The following CRIM1 variants were observed in gnomAD, a reference collection of about 807,000 sequenced individuals.
The protein encoded by CRIM1 is cysteine rich transmembrane BMP regulator 1.
A neutral mutation model predicts 116.4 loss-of-function variants in CRIM1; 32 were observed. The observed-to-expected ratio is 0.27, with a 90% CI of 0.21 to 0.37. CRIM1 has a LOEUF of 0.37. Among genes scored for constraint, CRIM1 ranks in the 10% least tolerant of loss-of-function variants. The pLI is 1.00. For synonymous variants in CRIM1, 590 were observed against 509.2 expected (o/e 1.16, Z -2.13); for missense variants, 1,331 against 1,354.8 (o/e 0.98, Z 0.28).
At chr2:36,505,911 ACTGAAC>A (rs1681360073) in intron 8 of CRIM1, among the ~76,000 whole-genome samples, 1 of 152,178 alleles carries the variant, frequency 6.6e-6, no homozygotes, top group African/African-American at 2.4e-5. Flanking sequence ...TGGCAGGCTC[ACTGAAC>A]GCTGTTGTCC....
chr2:36,448,337 TCTC>T (rs139770413), intron 4 of CRIM1, among the ~76,000 whole-genome samples: 70 of 152,354 alleles, frequency 4.6e-4, no homozygotes, highest in African/African-American at 1.6e-3. Context: ...GAGTCCATGT[TCTC>T]CTGGTGTCCA....
rs1374184953 is a variant in CRIM1 at position 36,356,724 on chromosome 2, A to T, written c.331+101A>T. On this transcript the variant is annotated intron_variant, in intron 1 of 16. Transcript: ENST00000280527. This position sits in a 1 kb window ranked among gnomAD's most constrained non-coding sequence, Gnocchi z 4.3. ...TTGGGCGAGACTTTCTGGAGGAAAG[A>T]GGGCTCTGCGGGAAGAGGGGCGGCC... is the stretch of plus-strand genomic sequence containing the variant. The T allele has an allele frequency of 9.9e-6, 12 of 1,217,650 alleles. No individual in the cohort carries two copies. Among genetic ancestry groups the T allele is most frequent in the Non-Finnish European group, 1.3e-5 (12 of 889,406 alleles). 75.4% of individuals were successfully genotyped at this position (1,217,650 alleles called of 1,614,324 possible). A position where few individuals can be genotyped will look rare whatever the true frequency, so the allele number is the denominator to read the frequency against.
At chr2:36,399,336 CAGTCAAGAGG>C (rs1672255218) in intron 2 of CRIM1, among the ~76,000 whole-genome samples, 1 of 152,174 alleles carries the variant, frequency 6.6e-6, no homozygotes, top group Non-Finnish European at 1.5e-5. Flanking sequence ...GAGATAATGG[CAGTCAAGAGG>C]CTCGTTGGAG....
intron 2 of CRIM1, among the ~76,000 whole-genome samples, chr2:36,406,593 C>G (rs758555585): frequency 6.7e-6 from 1 of 149,270 alleles, no homozygotes; most frequent in Non-Finnish European, 1.5e-5. Context: ...ATAAGTCTTA[C>G]TAGTTTAACT....
chr2:36,396,388 C>T (rs919777326), intron 1 of CRIM1, among the ~76,000 whole-genome samples: 2 of 152,136 alleles, frequency 1.3e-5, no homozygotes, highest in African/African-American at 4.8e-5. Context: ...AACCTTTGTG[C>T]ATATAGCTAT....
chr2:36,397,136 G>T (rs1487188542), intron 2 of CRIM1, among the ~76,000 whole-genome samples: 1 of 152,298 alleles, frequency 6.6e-6, no homozygotes, highest in East Asian at 1.9e-4. Flanking sequence ...TCCATGAGGA[G>T]TCTGCTAATT....
intron 7 of CRIM1, among the ~76,000 whole-genome samples, chr2:36,483,749 C>G (rs186835073): frequency 6.6e-6 from 1 of 152,260 alleles, no homozygotes; most frequent in East Asian, 1.9e-4. Context: ...TAAGTGAGGA[C>G]AGTGAGGAGG....
intron 1 of CRIM1, among the ~76,000 whole-genome samples, chr2:36,372,131 A>G (rs998554429): frequency 6.6e-6 from 1 of 152,210 alleles, no homozygotes; most frequent in Non-Finnish European, 1.5e-5. Context: ...TTAACTGTAC[A>G]GCTTCTTTGG....
chr2:36,543,652 A>C (rs1429380903), intron 14 of CRIM1, among the ~76,000 whole-genome samples: 2 of 152,092 alleles, frequency 1.3e-5, no homozygotes, highest in Non-Finnish European at 2.9e-5. Context: ...AAGTATAAAT[A>C]CAAAGAAATA....
chr2:36,438,086 T>G (rs894789982), intron 2 of CRIM1, among the ~76,000 whole-genome samples: 1 of 149,928 alleles, frequency 6.7e-6, no homozygotes, highest in African/African-American at 2.5e-5. Context: ...GAGCTGAGAT[T>G]GTGCCACTGT....
intron 13 of CRIM1, among the ~76,000 whole-genome samples, chr2:36,535,077 A>G (rs1016504715): frequency 2.2e-5 from 3 of 138,884 alleles, no homozygotes; most frequent in Non-Finnish European, 3.1e-5. Context: ...GTGTATGGAG[A>G]GAGGAAGGAA....
intron 5 of CRIM1, among the ~76,000 whole-genome samples, chr2:36,465,143 G>A (rs1677903839): frequency 6.6e-6 from 1 of 152,184 alleles, no homozygotes; most frequent in Admixed American, 6.5e-5. Context: ...GAGGCGGTGG[G>A]GAAGACATCT....
intron 4 of CRIM1, among the ~76,000 whole-genome samples, chr2:36,460,950 A>G (rs936585034): frequency 1.3e-5 from 2 of 152,224 alleles, no homozygotes; most frequent in African/African-American, 4.8e-5. Flanking sequence ...TAGGGCAGGC[A>G]GTGCAGAGAC....
chr2:36,464,421 GT>G, intron 4 of CRIM1, 112 bp from the exon 5 acceptor site: 2 of 1,062,566 alleles, frequency 1.9e-6, no homozygotes, highest in Non-Finnish European at 2.9e-6. Context: ...AAAGGAGGCA[GT>G]GTCGTATAGA....
intron 2 of CRIM1, among the ~76,000 whole-genome samples, chr2:36,427,940 C>G (rs1267247599): frequency 1.3e-5 from 2 of 152,224 alleles, no homozygotes; most frequent in Admixed American, 6.5e-5. Flanking sequence ...TATAGCTGTC[C>G]TATGACTAAA....
At chr2:36,509,879 T>G in intron 8 of CRIM1, 104 bp from the exon 9 acceptor site, 135 of 979,786 alleles carry the variant, frequency 1.4e-4, no homozygotes, top group Middle Eastern at 2.4e-4. Context: ...GCTGAGAAAT[T>G]GAGATCTGTG....
intron 10 of CRIM1, 149 bp downstream of exon 10, chr2:36,512,543 C>T (rs1321691398): frequency 2.7e-6 from 2 of 734,002 alleles, no homozygotes; most frequent in East Asian, 5.4e-5. Flanking sequence ...CCACAGGACT[C>T]CCTTTTCCTT....
At chr2:36,510,611 C>G (rs1243969398) in intron 9 of CRIM1, among the ~76,000 whole-genome samples, 2 of 152,158 alleles carry the variant, frequency 1.3e-5, no homozygotes, top group Non-Finnish European at 1.5e-5. Flanking sequence ...TGGAACTAGT[C>G]AGCGTTTCGT....
rs1666668033 is a variant in CRIM1 at position 36,537,939 on chromosome 2, T to C, written c.2623+393T>C. On this transcript the variant is annotated intron_variant, in intron 14 of 16. Coordinates refer to ENST00000280527, the MANE Select transcript of CRIM1 (RefSeq NM_016441.3). ...AAAGCCATTACACTGTGAAAATATA[T>C]TAGAACCAAAGTGGAAGACCTGCAT... Among the ~76,000 whole-genome samples the C allele has an allele frequency of 2.0e-5, 3 of 152,192 alleles. No individual in the cohort carries two copies. The South Asian group carries it at 6.2e-4, about 32-fold the overall frequency.
Sources: allele counts gnomAD v4.1 joint callset (sites outside exome capture counted in the v4.1 genomes callset), GRCh38; gene constraint gnomAD v4.1.1; non-coding constraint Gnocchi (gnomAD v3.1); transcripts MANE v1.5; gene names NCBI Gene and HGNC (gene_info 2026-07-23, HGNC 2026-07-21).